The following DENND4C variants were observed in gnomAD, a reference collection of about 807,000 sequenced individuals.
DENND4C encodes the protein DENN domain containing 4C, also known as DENN domain-containing protein 4C.
Under a neutral mutation model 203.0 loss-of-function variants are expected in DENND4C, and 108 were observed. That is an observed-to-expected ratio of 0.53 (90% CI 0.46 to 0.62). The LOEUF (loss-of-function observed/expected upper bound fraction) is 0.62. Ranked by LOEUF, DENND4C falls within the 20% of genes least tolerant of loss-of-function variation. The pLI, the probability that DENND4C is intolerant of heterozygous loss-of-function variation, is 0.00. For missense variants in DENND4C, 2,481 were observed against 2,301.2 expected, an observed-to-expected ratio of 1.08 and a Z score of -1.60; for synonymous variants, 871 against 792.4, an observed-to-expected ratio of 1.10 and a Z score of -1.67.
chr9:19,274,304 T>C (rs1337348589), intron 1 of DENND4C, among the ~76,000 whole-genome samples: 1 of 151,888 alleles, frequency 6.6e-6, no homozygotes, highest in Non-Finnish European at 1.5e-5. Context: ...TTTCTTTCTT[T>C]TTTTTTTTGA....
chr9:19,339,383 CT>C (rs1197179597), intron 20 of DENND4C, among the ~76,000 whole-genome samples: 2 of 152,108 alleles, frequency 1.3e-5, no homozygotes, highest in East Asian at 3.8e-4. Flanking sequence ...TTTAAAAAAT[CT>C]TTTATGACCT....
chr9:19,253,759 C>T (rs971969163), intron 1 of DENND4C, among the ~76,000 whole-genome samples: 4 of 152,016 alleles, frequency 2.6e-5, no homozygotes, highest in Non-Finnish European at 4.4e-5. Context: ...TCACTCTGAG[C>T]GACCTAACCC....
chr9:19,350,709 C>T lies in DENND4C; in HGVS notation c.4325C>T (p.Thr1442Ile). 1 of 1,605,624 alleles carries T rather than the reference C, an allele frequency of 6.2e-7. No homozygotes were observed. The highest frequency in any genetic ancestry group is 8.5e-7 in the Non-Finnish European group (1 of 1,177,152). Residue 1442 changes from threonine (T) to isoleucine (I), a missense_variant, in exon 24 of 33, where the codon ACT becomes ATT. Thr to Ile is a moderately conservative substitution (Grantham distance 89). Around this residue, in one of 3 missense-constraint regions of DENND4C, gnomAD observed 2,289 missense variants for 2,113.3 expected, o/e 1.08. Coordinates refer to ENST00000434457, the MANE Select transcript of DENND4C (RefSeq NM_001330640.2). Reference sequence around the variant, plus strand: ...TTTTTTTTTCAATTAAAGGAAGAAACTAATAGAGACTACAGCTTCCCAGCT... The same window carrying T: ...TTTTTTTTTCAATTAAAGGAAGAAATTAATAGAGACTACAGCTTCCCAGCT... ...AYSYSDDEEE[T>I]NRDYSFPAGL...
Position 19,356,966 on chromosome 9 carries a change from A to T in DENND4C, c.4782-6A>T, listed in dbSNP as rs201145654. The T allele has an allele frequency of 6.2e-7, 1 of 1,612,726 alleles. No individual in the cohort carries two copies. Among genetic ancestry groups the T allele is most frequent in the Admixed American group, 1.7e-5 (1 of 59,884 alleles). ...AGGCTCTTTTTCCCCCCTTTTCCTT[A>T]TGTAGCTTTTTCCTGAAACCAAGTA... On this transcript the variant is annotated splice_polypyrimidine_tract_variant and splice_region_variant and intron_variant, in intron 26 of 32. Transcript: ENST00000434457.
intron 26 of DENND4C, among the ~76,000 whole-genome samples, chr9:19,354,916 G>T (rs555209789): frequency 4.0e-4 from 54 of 135,278 alleles, no homozygotes; most frequent in Non-Finnish European, 6.8e-4. Flanking sequence ...TTGGCTGTTT[G>T]TTTTTTTTTT....
chr9:19,312,416 T>TA (rs1840920898), intron 10 of DENND4C, among the ~76,000 whole-genome samples: 1 of 152,100 alleles, frequency 6.6e-6, no homozygotes, highest in African/African-American at 2.4e-5. Flanking sequence ...AATTATTAAA[T>TA]GAAAAAAATC....
At position 19,347,021 on chromosome 9, in the gene DENND4C, G is replaced by A; in HGVS notation, c.4252G>A (p.Ala1418Thr). Residue 1418 changes from alanine (A) to threonine (T), a missense_variant, in exon 23 of 33, where the codon GCA becomes ACA. Ala to Thr is a moderately conservative substitution (Grantham distance 58, BLOSUM62 0). Around this residue, in one of 3 missense-constraint regions of DENND4C, gnomAD observed 2,289 missense variants for 2,113.3 expected, o/e 1.08. Coordinates refer to ENST00000434457, the MANE Select transcript of DENND4C (RefSeq NM_001330640.2). ...IDVLKSGMKQ[A>T]ATVASKMWVA... ...TGTCCTGAAATCTGGTATGAAACAA[G>A]CAGCGACAGTAGCCAGTAAGATGTG... is the stretch of plus-strand genomic sequence containing the variant. The A allele has an allele frequency of 1.2e-6, 2 of 1,614,060 alleles. No homozygotes were observed. The highest frequency in any genetic ancestry group is 8.5e-7 in the Non-Finnish European group (1 of 1,179,986).
chr9:19,264,748 GT>G (rs943350934), intron 1 of DENND4C, among the ~76,000 whole-genome samples: 1 of 151,334 alleles, frequency 6.6e-6, no homozygotes, highest in South Asian at 2.1e-4. Context: ...AAAACACCAA[GT>G]TTTTTTTTCC....
At chr9:19,319,671 A>C (rs140626028) in intron 12 of DENND4C, among the ~76,000 whole-genome samples, 34 of 152,036 alleles carry the variant, frequency 2.2e-4, no homozygotes, top group African/African-American at 7.5e-4. Flanking sequence ...TTGAAAAGAT[A>C]CTTACTCAGT....
At chr9:19,357,177 C>G in intron 27 of DENND4C, 23 bp downstream of exon 27, 1 of 1,611,822 alleles carries the variant, frequency 6.2e-7, no homozygotes, top group Non-Finnish European at 8.5e-7. Flanking sequence ...ACAGAGACCT[C>G]TTTATGTAGT....
intron 1 of DENND4C, among the ~76,000 whole-genome samples, chr9:19,256,465 C>T (rs1041250857): frequency 3.3e-5 from 5 of 151,272 alleles, no homozygotes; most frequent in Non-Finnish European, 7.4e-5. Flanking sequence ...TACAGGCATG[C>T]GCCACCACAC....
intron 1 of DENND4C, among the ~76,000 whole-genome samples, chr9:19,245,658 T>C (rs1825028074): frequency 6.6e-6 from 1 of 151,850 alleles, no homozygotes; most frequent in Non-Finnish European, 1.5e-5. Flanking sequence ...GGTTCGAGAT[T>C]AGCCTGGCCA....
At chr9:19,348,361 A>G (rs1303463072) in intron 23 of DENND4C, among the ~76,000 whole-genome samples, 1 of 152,198 alleles carries the variant, frequency 6.6e-6, no homozygotes, top group Non-Finnish European at 1.5e-5. Flanking sequence ...AGAGCAATAT[A>G]TGAAAAGAGG....
At chr9:19,253,739 A>G (rs1191899559) in intron 1 of DENND4C, among the ~76,000 whole-genome samples, 3 of 152,094 alleles carry the variant, frequency 2.0e-5, no homozygotes, top group Admixed American at 6.6e-5. Context: ...CTTTTTTTTG[A>G]GACAAGGTCT....
chr9:19,328,801 C>G (rs1457748669), intron 16 of DENND4C, among the ~76,000 whole-genome samples: 1 of 152,000 alleles, frequency 6.6e-6, no homozygotes, highest in Non-Finnish European at 1.5e-5. Flanking sequence ...GTAATCCCAG[C>G]ACTTTGGGAG....
chr9:19,339,957 G>A (rs549532815), intron 20 of DENND4C, among the ~76,000 whole-genome samples: 24 of 152,050 alleles, frequency 1.6e-4, no homozygotes, highest in Admixed American at 1.3e-3. Flanking sequence ...GATTATCCCC[G>A]TGTTGGCCAG....
At chr9:19,339,060 A>T (rs926128841) in intron 20 of DENND4C, among the ~76,000 whole-genome samples, 4 of 152,188 alleles carry the variant, frequency 2.6e-5, no homozygotes, top group Admixed American at 1.3e-4. Flanking sequence ...GAAAACTCTC[A>T]TATCTTTTAT....
At chr9:19,233,633 T>C (rs1821133524) in intron 1 of DENND4C, among the ~76,000 whole-genome samples, 2 of 145,000 alleles carry the variant, frequency 1.4e-5, no homozygotes, top group African/African-American at 5.1e-5. Context: ...TGATCTCGGC[T>C]CACTGCAGCC....
At chr9:19,303,721 T>C (rs980919446) in intron 9 of DENND4C, among the ~76,000 whole-genome samples, 4 of 152,232 alleles carry the variant, frequency 2.6e-5, no homozygotes, top group African/African-American at 7.2e-5. Context: ...GTAAGCGTTA[T>C]AGGCATTTCT....
Sources: gnomAD v4.1 joint callset for allele counts (sites outside exome capture counted in the v4.1 genomes callset) on GRCh38, gnomAD v4.1.1 for gene constraint, gnomAD v4.1.1 regional missense constraint, MANE v1.5 for transcripts, NCBI Gene and HGNC (gene_info 2026-07-23, HGNC 2026-07-21) for gene names.